The following GPC6 variants were observed in gnomAD, a reference collection of about 807,000 sequenced individuals.
GPC6 encodes glypican-6.
GPC6 carries 14 observed loss-of-function variants against 55.2 expected under a neutral mutation model. The ratio of observed to expected loss-of-function variants is 0.25; its 90% CI spans 0.17 to 0.40. The LOEUF (loss-of-function observed/expected upper bound fraction) is 0.40. Ranked by LOEUF, GPC6 falls within the 10% of genes least tolerant of loss-of-function variation. The pLI, the probability that GPC6 is intolerant of heterozygous loss-of-function variation, is 1.00. For missense variants in GPC6, 641 were observed against 708.5 expected (o/e 0.90, Z 1.08); for synonymous variants, 278 against 259.6 (o/e 1.07, Z -0.68).
chr13:94,350,291 A>C (rs1290987975), intron 6 of GPC6, among the ~76,000 whole-genome samples: 1 of 152,038 alleles, frequency 6.6e-6, no homozygotes, highest in African/African-American at 2.4e-5. Flanking sequence ...GAAAAATCTC[A>C]GTGCTCAGTC....
intron 1 of GPC6, among the ~76,000 whole-genome samples, chr13:93,422,189 A>G (rs1056588917): frequency 8.5e-5 from 13 of 152,066 alleles, no homozygotes; most frequent in African/African-American, 2.4e-4. Context: ...CATCTCAAAA[A>G]GACCAAGGTG....
intron 2 of GPC6, among the ~76,000 whole-genome samples, chr13:93,785,280 A>G (rs887035513): frequency 1.4e-4 from 21 of 152,204 alleles, no homozygotes; most frequent in Non-Finnish European, 2.9e-4. Context: ...GAAATATACT[A>G]TAGAGAATAT....
intron 5 of GPC6, among the ~76,000 whole-genome samples, chr13:94,294,437 TAA>T (rs397944823): frequency 9.3e-4 from 108 of 116,696 alleles, no homozygotes; most frequent in South Asian, 2.2e-3. Flanking sequence ...AAATGAAGAT[TAA>T]AAAAAAAAAA....
chr13:93,588,233 T>C (rs1244267539), intron 2 of GPC6, among the ~76,000 whole-genome samples: 1 of 152,190 alleles, frequency 6.6e-6, no homozygotes, highest in Non-Finnish European at 1.5e-5. Flanking sequence ...AGTATGTGTG[T>C]GCGTATGTTT....
In GPC6 at chr13:93,830,156, T is replaced by G. The variant is rs748831483; in HGVS notation, c.322T>G (p.Phe108Val). Residue 108 changes from phenylalanine to valine, a missense_variant and splice_region_variant, in exon 3 of 9, where the codon TTT (phenylalanine) becomes GTT (valine). Phe to Val is a conservative substitution (Grantham distance 50). Coordinates refer to ENST00000377047, the MANE Select transcript of GPC6 (RefSeq NM_005708.5). The stretch of plus-strand genomic sequence containing the variant: ...ACTTCTTTCTGTTTTATCTGCAGAA[T>G]TTTTCCGAGAGCTCCTGGAGAATGC... ...FVSRHKKFDE[F>V]FRELLENAEK... 6.2e-7 allele frequency: 1 copy of G among 1,608,120 alleles called. No homozygotes were observed. The highest frequency in any genetic ancestry group is 8.5e-7 in the Non-Finnish European group (1 of 1,176,830).
intron 2 of GPC6, among the ~76,000 whole-genome samples, chr13:93,719,338 T>C (rs1450866092): frequency 6.6e-6 from 1 of 152,092 alleles, no homozygotes. Context: ...TTATTCTCTT[T>C]GTAGCAATTG....
At chr13:94,100,896 A>G (rs9589903) in intron 4 of GPC6, among the ~76,000 whole-genome samples, 5,456 of 152,330 alleles carry the variant, frequency 0.036, 353 homozygotes, top group African/African-American at 0.12. Context: ...GATTCTCACC[A>G]TAACAGTTTG....
intron 4 of GPC6, among the ~76,000 whole-genome samples, chr13:94,064,021 T>G (rs1269872054): frequency 6.6e-6 from 1 of 152,128 alleles, no homozygotes; most frequent in Non-Finnish European, 1.5e-5. Flanking sequence ...ACCCTTGTCT[T>G]GGTCAGAGGG....
chr13:93,359,318 T>C (rs1880965652), intron 1 of GPC6, among the ~76,000 whole-genome samples: 1 of 152,136 alleles, frequency 6.6e-6, no homozygotes, highest in Middle Eastern at 3.2e-3. Flanking sequence ...ATTTTTCTTA[T>C]GTCATCACAT....
intron 3 of GPC6, among the ~76,000 whole-genome samples, chr13:93,895,235 T>TATATAG (rs1875936806): frequency 5.1e-5 from 1 of 19,462 alleles, no homozygotes; most frequent in Non-Finnish European, 1.0e-4. Flanking sequence ...TGTGTGTGTG[T>TATATAG]ATATATATAT....
intron 1 of GPC6, among the ~76,000 whole-genome samples, chr13:93,526,921 C>A (rs1881667278): frequency 6.6e-6 from 1 of 151,958 alleles, no homozygotes; most frequent in Non-Finnish European, 1.5e-5. Context: ...GTTTATTCTG[C>A]CTGTTTTGTT....
At chr13:94,106,985 A>G (rs1886076479) in intron 4 of GPC6, among the ~76,000 whole-genome samples, 1 of 152,162 alleles carries the variant, frequency 6.6e-6, no homozygotes, top group African/African-American at 2.4e-5. Context: ...AAAGAAAAGG[A>G]AAGCAAACAC....
rs1880123297 is a variant in GPC6 at position 93,968,027 on chromosome 13, TA to T, written c.712-59696del. On this transcript the variant is annotated intron_variant, in intron 3 of 8. Coordinates refer to ENST00000377047, the MANE Select transcript of GPC6 (RefSeq NM_005708.5). ...ATGCTTATGAACATATGAGTAAAAA[TA>T]AAAAATTAGGAGTGCTCATTTTAAG... 6.6e-5 allele frequency among the ~76,000 whole-genome samples: 10 copies of T among 152,232 alleles called. No homozygotes were observed. The South Asian group carries it at 1.9e-3, about 28-fold the overall frequency.
chr13:93,405,456 A>G (rs2139237488), intron 1 of GPC6, among the ~76,000 whole-genome samples: 1 of 152,302 alleles, frequency 6.6e-6, no homozygotes, highest in South Asian at 2.1e-4. Flanking sequence ...CAGTTCTCTC[A>G]TCTTTATAAT....
intron 1 of GPC6, among the ~76,000 whole-genome samples, chr13:93,346,238 A>G (rs536354846): frequency 6.6e-5 from 10 of 152,310 alleles, no homozygotes; most frequent in Non-Finnish European, 1.3e-4. Flanking sequence ...GTCCATTTAC[A>G]TTCATGCACT....
intron 1 of GPC6, among the ~76,000 whole-genome samples, chr13:93,387,367 C>T (rs1016542900): frequency 2.0e-5 from 3 of 152,096 alleles, no homozygotes; most frequent in African/African-American, 4.8e-5. Flanking sequence ...ATGCTCCTCT[C>T]TCTGTGTTCC....
chr13:93,830,428 G>A lies in GPC6; in HGVS notation c.594G>A (p.Lys198=), dbSNP rs767423779. The A allele has an allele frequency of 4.2e-5, 68 of 1,613,780 alleles. 1 individual carries two copies. The Admixed American group carries it at 1.1e-3, about 26-fold the overall frequency. Residue 198 remains lysine (K), a synonymous_variant, in exon 3 of 9, where the codon AAG becomes AAA. Transcript: ENST00000377047. ...ECVSKYTDQL[K]PFGDVPRKLK... ...TGAGCAAATACACTGACCAGCTCAA[G>A]CCATTTGGAGACGTGCCCCGGAAAC...
At chr13:93,636,668 C>G (rs763947971) in intron 2 of GPC6, among the ~76,000 whole-genome samples, 17 of 152,116 alleles carry the variant, frequency 1.1e-4, no homozygotes, top group African/African-American at 4.8e-5. Flanking sequence ...AATAAGATCA[C>G]CTTGTACATT....
rs561240187 is a variant in GPC6 at position 93,909,214 on chromosome 13, A to G, written c.711+78669A>G. Among the ~76,000 whole-genome samples, 10 of 152,260 alleles carry G rather than the reference A, an allele frequency of 6.6e-5. No individual in the cohort carries two copies. In the East Asian group the frequency reaches 1.9e-3, roughly 29 times the overall value. ...TACGGACAACTTCAATTTCTCTAGG[A>G]GCCTTCTGCAAGTAAATGCTTGAAT... On this transcript the variant is annotated intron_variant, in intron 3 of 8. Transcript: ENST00000377047.
Sources: gnomAD v4.1 joint callset for allele counts (sites outside exome capture counted in the v4.1 genomes callset) on GRCh38, gnomAD v4.1.1 for gene constraint, MANE v1.5 for transcripts, NCBI Gene and HGNC (gene_info 2026-07-23, HGNC 2026-07-21) for gene names.